The following SUGCT variants were observed in gnomAD, a reference collection of about 807,000 sequenced individuals.
SUGCT encodes succinyl-CoA:glutarate-CoA transferase.
In SUGCT, 41 loss-of-function variants were observed where a neutral mutation model predicts 55.0. The observed-to-expected ratio is 0.74, with a 90% CI of 0.58 to 0.97. SUGCT has a LOEUF of 0.97. Ranked by LOEUF, SUGCT falls within the 50% of genes least tolerant of loss-of-function variation. The probability of loss-of-function intolerance (pLI) is 0.00; values close to 1 mark genes in which losing one functional copy is unlikely to be tolerated. For missense variants in SUGCT, 568 were observed against 547.8 expected, an observed-to-expected ratio of 1.04 and a Z score of -0.37; for synonymous variants, 187 against 200.4, an observed-to-expected ratio of 0.93 and a Z score of 0.56.
chr7:40,970,963 A>AT, the SUGCT span, among the ~76,000 whole-genome samples: 95 of 152,314 alleles, frequency 6.2e-4, no homozygotes, highest in Non-Finnish European at 1.1e-3. Context: ...TTTTTAAAAA[A>AT]TCAGGTGGCA....
At chr7:40,890,279 A>T in the SUGCT span, among the ~76,000 whole-genome samples, 6 of 139,292 alleles carry the variant, frequency 4.3e-5, no homozygotes, top group African/African-American at 8.0e-5. Flanking sequence ...ATATAAATTA[A>T]ATATTTATAT....
chr7:41,018,908 C>CTT, the SUGCT span, among the ~76,000 whole-genome samples: 499 of 141,648 alleles, frequency 3.5e-3, 5 homozygotes, highest in African/African-American at 0.012. Context: ...CTAATATATT[C>CTT]TTTTTTTTTT....
intron 6 of SUGCT, among the ~76,000 whole-genome samples, chr7:40,222,579 G>A (rs895440227): frequency 1.2e-4 from 19 of 152,146 alleles, no homozygotes; most frequent in African/African-American, 4.3e-4. Flanking sequence ...TAGACTGGGC[G>A]CGGTGTAATC....
rs372937692 is a variant in SUGCT, at chr7:40,260,640, CTTTTGTTTTGTTTTG to C, written c.577-13857_577-13843del. On this transcript the variant is annotated intron_variant, in intron 7 of 13. Transcript: ENST00000335693. Reference sequence around the variant, plus strand: ...CAGCTTTGAGGTAGGGATTAAAAAGCTTTTGTTTTGTTTTGTTTTGTTTTGTTTTGAGATGGTGTC... The same window carrying C: ...CAGCTTTGAGGTAGGGATTAAAAAGCTTTTGTTTTGTTTTGAGATGGTGTC... Among the ~76,000 whole-genome samples, 311 of 152,038 alleles carry C rather than the reference CTTTTGTTTTGTTTTG, an allele frequency of 2.0e-3. 4 individuals are homozygous for C. The highest frequency in any genetic ancestry group is 0.02 in the South Asian group (94 of 4,818).
intron 10 of SUGCT, among the ~76,000 whole-genome samples, chr7:40,458,250 T>C (rs1789592572): frequency 6.6e-6 from 1 of 152,236 alleles, no homozygotes; most frequent in Non-Finnish European, 1.5e-5. Context: ...CCCCAGGCTG[T>C]AAATACTCCT....
chr7:40,987,912 T>C, the SUGCT span, among the ~76,000 whole-genome samples: 1 of 152,068 alleles, frequency 6.6e-6, no homozygotes, highest in Non-Finnish European at 1.5e-5. Context: ...TCTTAAAACG[T>C]AGTGGTTGAT....
At chr7:40,619,522 A>AT (rs1267485023) in intron 12 of SUGCT, among the ~76,000 whole-genome samples, 2 of 152,118 alleles carry the variant, frequency 1.3e-5, no homozygotes, top group Admixed American at 6.6e-5. Context: ...TTATGATTGA[A>AT]TTTTTTTGTT....
intron 12 of SUGCT, among the ~76,000 whole-genome samples, chr7:40,631,967 T>C (rs1166752096): frequency 6.6e-6 from 1 of 152,218 alleles, no homozygotes; most frequent in East Asian, 1.9e-4. Flanking sequence ...GTTTTTTCTT[T>C]GGACTCTGAC....
At chr7:40,217,348 C>G (rs1213418939) in intron 6 of SUGCT, 1 of 397,678 alleles carries the variant, frequency 2.5e-6, no homozygotes, top group Admixed American at 2.7e-5. Flanking sequence ...GTGGCTCGGA[C>G]TACAGGCTCG....
At chr7:40,602,647 T>C in intron 12 of SUGCT, among the ~76,000 whole-genome samples, 1 of 152,178 alleles carries the variant, frequency 6.6e-6, no homozygotes, top group Admixed American at 6.5e-5. Flanking sequence ...CCTCCAGTGG[T>C]ATACAGAGCT....
the SUGCT span, among the ~76,000 whole-genome samples, chr7:40,945,514 A>G: frequency 6.6e-6 from 1 of 152,120 alleles, no homozygotes; most frequent in Admixed American, 6.6e-5. Flanking sequence ...AAGCCCCACT[A>G]TGTCTGCAAT....
chr7:40,215,901 T>C (rs1159159828), intron 6 of SUGCT, among the ~76,000 whole-genome samples: 2 of 151,996 alleles, frequency 1.3e-5, no homozygotes, highest in Non-Finnish European at 2.9e-5. Context: ...ATTAAGCTAA[T>C]TAATATTAAG....
intron 12 of SUGCT, among the ~76,000 whole-genome samples, chr7:40,541,393 T>C (rs1346852173): frequency 2.0e-5 from 3 of 152,200 alleles, no homozygotes. Flanking sequence ...CCTATTCCTG[T>C]GACCCTGCAA....
At chr7:40,891,284 T>G in the SUGCT span, among the ~76,000 whole-genome samples, 1 of 152,168 alleles carries the variant, frequency 6.6e-6, no homozygotes. Flanking sequence ...GAATGGGAAA[T>G]AAATATCCAG....
intron 13 of SUGCT, among the ~76,000 whole-genome samples, chr7:40,795,431 C>A (rs1324448730): frequency 6.6e-6 from 1 of 152,124 alleles, no homozygotes; most frequent in East Asian, 1.9e-4. Context: ...AAGTTGGCTT[C>A]TCTCCTAAAA....
At chr7:40,951,710 A>C in the SUGCT span, among the ~76,000 whole-genome samples, 14 of 151,744 alleles carry the variant, frequency 9.2e-5, no homozygotes, top group African/African-American at 3.4e-4. Flanking sequence ...TTTGTTATGT[A>C]CCCAGTAGTC....
chr7:40,454,036 T>C (rs1424857763), intron 10 of SUGCT, among the ~76,000 whole-genome samples: 2 of 152,028 alleles, frequency 1.3e-5, no homozygotes, highest in Admixed American at 1.3e-4. Context: ...ACCTCACTCG[T>C]TGAGCTCAAT....
chr7:40,791,697 G>A (rs10231545), intron 13 of SUGCT, among the ~76,000 whole-genome samples: 47,597 of 152,046 alleles, frequency 0.31, 7,897 homozygotes, highest in South Asian at 0.44. Context: ...ACAGGAAGGA[G>A]TAAAAAATGG....
intron 9 of SUGCT, among the ~76,000 whole-genome samples, chr7:40,354,322 A>T (rs1181013222): frequency 6.6e-6 from 1 of 152,142 alleles, no homozygotes; most frequent in Non-Finnish European, 1.5e-5. Flanking sequence ...CAAAGGAGGG[A>T]TGGACGGAGA....
Sources: allele counts gnomAD v4.1 joint callset (sites outside exome capture counted in the v4.1 genomes callset), GRCh38; gene constraint gnomAD v4.1.1; transcripts MANE v1.5; gene names NCBI Gene and HGNC (gene_info 2026-07-23, HGNC 2026-07-21).